The following BTN2A2 variants were observed in gnomAD, a reference collection of about 807,000 sequenced individuals.
BTN2A2 encodes butyrophilin 2.
A neutral mutation model predicts 34.7 loss-of-function variants in BTN2A2; 29 were observed. The ratio of observed to expected loss-of-function variants is 0.84; its 90% CI spans 0.62 to 1.14. The LOEUF is 1.14. Ranked by LOEUF, BTN2A2 falls within the 50% of genes most tolerant of loss-of-function variation. The pLI, the probability that BTN2A2 is intolerant of heterozygous loss-of-function variation, is 0.00. For missense variants in BTN2A2, 612 were observed against 651.5 expected (o/e 0.94, Z 0.66); for synonymous variants, 240 against 253.1 (o/e 0.95, Z 0.49).
Position 26,390,829 on chromosome 6 carries a change from G to A in BTN2A2, c.979G>A (p.Ala327Thr), listed in dbSNP as rs929626467. 6 of 1,613,986 alleles carry A rather than the reference G, an allele frequency of 3.7e-6. No homozygotes were observed. The African/African-American group carries it at 6.7e-5, about 18-fold the overall frequency. ...LRWRRTFLHA[A>T]DVVLDPDTAH... ...ATGGAGAAGAACATTCTTACATGCT[G>A]GTGAGTGCCTCTGATGTTCTCTCAG... Residue 327 changes from alanine (A) to threonine (T), a missense_variant and splice_region_variant, in exon 7 of 8, where the codon GCT (alanine) becomes ACT (threonine). Transcript: ENST00000356709.
intron 7 of BTN2A2, chr6:26,392,103 C>G: frequency 5.6e-6 from 5 of 900,396 alleles, no homozygotes; most frequent in East Asian, 2.6e-5. Flanking sequence ...AAACTGGGAA[C>G]CATTAATTTT....
chr6:26,387,171 G>A (rs1761254555), intron 3 of BTN2A2, among the ~76,000 whole-genome samples: 1 of 152,142 alleles, frequency 6.6e-6, no homozygotes, highest in South Asian at 2.1e-4. Flanking sequence ...CTGACATTGA[G>A]GAGGCAATAT....
In BTN2A2 at chr6:26,383,744, C is replaced by T; in HGVS notation, c.-30-48C>T. The stretch of plus-strand genomic sequence containing the variant: ...CAGGAGAGGTTGGGCCCGACCAGCA[C>T]TGAGGTGCCAAGACTCCTAGGCTGA... On this transcript the variant is annotated intron_variant, in intron 1 of 7. Transcript: ENST00000356709. This position sits in a 1 kb window ranked among gnomAD's most constrained non-coding sequence, Gnocchi z 4.4. The T allele has an allele frequency of 6.7e-7, 1 of 1,483,004 alleles. No homozygotes were observed. 91.9% of individuals were successfully genotyped at this position (1,483,004 alleles called of 1,614,324 possible).
chr6:26,385,304 C>T lies in BTN2A2; in HGVS notation c.384C>T (p.Arg128=). Residue 128 remains arginine (R), a synonymous_variant, in exon 3 of 8, where the codon CGC becomes CGT. Coordinates refer to ENST00000356709, the MANE Select transcript of BTN2A2 (RefSeq NM_006995.5). ...NVTAQENGIY[R]CYFQEGRSYD... is the part of the protein sequence containing the mutation. ...CAGCCCAGGAGAATGGGATCTACCG[C>T]TGTTACTTCCAAGAAGGCAGGTCCT... The T allele has an allele frequency of 6.2e-7, 1 of 1,614,172 alleles. No homozygotes were observed.
At position 26,393,013 on chromosome 6, in the gene BTN2A2, C is replaced by G; in HGVS notation, c.*46C>G. ...AGCCATGCAGATAAGCCCTGGCCAT[C>G]TCAGCAGCCACCGCACAACCCCCCT... On this transcript the variant is annotated 3_prime_UTR_variant, in exon 8 of 8. Coordinates refer to ENST00000356709, the MANE Select transcript of BTN2A2 (RefSeq NM_006995.5). 1 of 1,613,718 alleles carries G rather than the reference C, an allele frequency of 6.2e-7. No homozygotes were observed. Among genetic ancestry groups the G allele is most frequent in the South Asian group, 1.1e-5 (1 of 91,056 alleles).
chr6:26,390,946 G>A (rs925085705), intron 7 of BTN2A2, 117 bp downstream of exon 7: 3 of 1,510,686 alleles, frequency 2.0e-6, no homozygotes, highest in Admixed American at 3.4e-5. Context: ...TAGGGAACTG[G>A]GGTCAGTTCA....
In BTN2A2 at chr6:26,388,134, G is replaced by A. The variant is rs1468781909; in HGVS notation, c.564G>A (p.Glu188=). 4.3e-6 allele frequency: 7 copies of A among 1,614,190 alleles called. No homozygotes were observed. The South Asian group carries it at 5.5e-5, about 13-fold the overall frequency. Residue 188 remains glutamate (E), a synonymous_variant, in exon 4 of 8, where the codon GAG becomes GAA. Transcript: ENST00000356709. ...CAGTGTGGAGGGACCCCTACGGTGA[G>A]GTTGTGCCCGCCCTGAAGGAGGTTT... is the stretch of plus-strand genomic sequence containing the variant. ...PLTVWRDPYG[E]VVPALKEVSI...
At chr6:26,390,311 C>T (rs548472259) in intron 5 of BTN2A2, 100 bp downstream of exon 5, 6 of 1,232,234 alleles carry the variant, frequency 4.9e-6, no homozygotes, top group South Asian at 4.3e-5. Context: ...AAGGCCACAG[C>T]TCTCACAGGT....
At chr6:26,387,913 G>A in intron 3 of BTN2A2, 100 bp from the exon 4 acceptor site, 6 of 1,269,110 alleles carry the variant, frequency 4.7e-6, no homozygotes, top group Non-Finnish European at 5.5e-6. Context: ...GTTTCCTGAT[G>A]TTCTCCAAAA....
chr6:26,390,457 T>A, intron 5 of BTN2A2: 1 of 681,848 alleles, frequency 1.5e-6, no homozygotes, highest in Non-Finnish European at 2.5e-6. Flanking sequence ...CCTGGCTATA[T>A]GCAGCACTAC....
rs934256007 is a variant in BTN2A2 at position 26,383,259 on chromosome 6, A to C, written c.-31+78A>C. 2 of 153,002 alleles carry C rather than the reference A, an allele frequency of 1.3e-5. No individual in the cohort carries two copies. The highest frequency in any genetic ancestry group is 4.9e-5 in the African/African-American group (2 of 40,560). The allele number at this position is 153,002 out of a possible 1,614,324, so 9.5% of individuals were successfully genotyped here. A position where few individuals can be genotyped will look rare whatever the true frequency, so the allele number is the denominator to read the frequency against. On this transcript the variant is annotated intron_variant, in intron 1 of 7. Coordinates refer to ENST00000356709, the MANE Select transcript of BTN2A2 (RefSeq NM_006995.5). This position sits in a 1 kb window ranked among gnomAD's most constrained non-coding sequence, Gnocchi z 4.4. ...TGTGCCCATGGGTGAGTTGTATCGG[A>C]AAATCGTCATGTGAGGATCAGAGGG...
chr6:26,389,884 G>A, intron 4 of BTN2A2, 121 bp from the exon 5 acceptor site: 2 of 938,842 alleles, frequency 2.1e-6, no homozygotes, highest in African/African-American at 1.6e-5. Flanking sequence ...TCCATCTAAG[G>A]TTTCTGAGGG....
At position 26,394,428 on chromosome 6, in the gene BTN2A2, G is replaced by T. The variant is rs1761769532; in HGVS notation, c.*1461G>T. On this transcript the variant is annotated 3_prime_UTR_variant, in exon 8 of 8. Transcript: ENST00000356709. Reference sequence around the variant, plus strand: ...GGAAATTCTCTCCTTCTGTTGGCTGGGTGCCCAATACAACAAAAAGGCAGA... The same window carrying T: ...GGAAATTCTCTCCTTCTGTTGGCTGTGTGCCCAATACAACAAAAAGGCAGA... 1 of 658,476 alleles carries T rather than the reference G, an allele frequency of 1.5e-6. No homozygotes were observed. The highest frequency in any genetic ancestry group is 1.8e-5 in the African/African-American group (1 of 55,918). The allele number at this position is 658,476 out of a possible 1,614,324, so 40.8% of individuals were successfully genotyped here.
chr6:26,390,034 A>G lies in BTN2A2; in HGVS notation c.754A>G (p.Met252Val). The G allele has an allele frequency of 6.2e-6, 10 of 1,614,060 alleles. No individual in the cohort carries two copies. The highest frequency in any genetic ancestry group is 8.5e-6 in the Non-Finnish European group (10 of 1,180,000). ...CTTTATGCCCAGCGCATCTCCCTGG[A>G]TGGTGGCCCTAGCTGTCATCCTGAC... ...ESFMPSASPW[M>V]VALAVILTAS... Residue 252 changes from methionine (M) to valine (V), a missense_variant, in exon 5 of 8, where the codon ATG becomes GTG. Transcript: ENST00000356709.
rs756400790 is a variant in BTN2A2 at position 26,392,289 on chromosome 6, T to C, written c.980-86T>C. On this transcript the variant is annotated intron_variant, in intron 7 of 7. Transcript: ENST00000356709. ...CACTACATGGGGAACCCCCTTCAGCTTTCTGAGACTTCTCTGGGGACCAGG... is the reference window on the plus strand; with the variant it reads ...CACTACATGGGGAACCCCCTTCAGCCTTCTGAGACTTCTCTGGGGACCAGG... The C allele has an allele frequency of 4.4e-6, 7 of 1,603,884 alleles. No homozygotes were observed. The African/African-American group carries it at 9.4e-5, about 21-fold the overall frequency.
rs1761088337 is a variant in BTN2A2 at position 26,384,943 on chromosome 6, T to C, written c.95-72T>C. 7.3e-7 allele frequency: 1 copy of C among 1,375,812 alleles called. No individual in the cohort carries two copies. Among genetic ancestry groups the C allele is most frequent in the Non-Finnish European group, 9.5e-7 (1 of 1,048,926 alleles). 85.2% of individuals were successfully genotyped at this position (1,375,812 alleles called of 1,614,324 possible). On this transcript the variant is annotated intron_variant, in intron 2 of 7. Transcript: ENST00000356709. The surrounding 1 kb of genome is among the most constrained non-coding windows in gnomAD (Gnocchi z 4.0). ...AGTTTTTTTTGTTTGTTTGTTTTTG[T>C]TTTTTGTTTTTTGTTTTGCCTTAGA...
At position 26,393,005 on chromosome 6, in the gene BTN2A2, C is replaced by T. The variant is rs1245716602; in HGVS notation, c.*38C>T. The T allele has an allele frequency of 1.9e-6, 3 of 1,613,738 alleles. No individual in the cohort carries two copies. Among genetic ancestry groups the T allele is most frequent in the Non-Finnish European group, 2.5e-6 (3 of 1,179,900 alleles). On this transcript the variant is annotated 3_prime_UTR_variant, in exon 8 of 8. Coordinates refer to ENST00000356709, the MANE Select transcript of BTN2A2 (RefSeq NM_006995.5). ...GGACTCACAGCCATGCAGATAAGCC[C>T]TGGCCATCTCAGCAGCCACCGCACA...
In BTN2A2 at chr6:26,394,403, G is replaced by A. The variant is rs1761768811; in HGVS notation, c.*1436G>A. On this transcript the variant is annotated 3_prime_UTR_variant, in exon 8 of 8. Transcript: ENST00000356709. ...GAAGAGATTGGCAAGTGAGTCAGTGGGAAATTCTCTCCTTCTGTTGGCTGG... is the reference window on the plus strand; with the variant it reads ...GAAGAGATTGGCAAGTGAGTCAGTGAGAAATTCTCTCCTTCTGTTGGCTGG... The A allele has an allele frequency of 1.5e-6, 1 of 676,396 alleles. No individual in the cohort carries two copies. Among genetic ancestry groups the A allele is most frequent in the Non-Finnish European group, 2.7e-6 (1 of 369,872 alleles). The allele number at this position is 676,396 out of a possible 1,614,324, so 41.9% of individuals were successfully genotyped here. A position where few individuals can be genotyped will look rare whatever the true frequency, so the allele number is the denominator to read the frequency against.
In BTN2A2 at chr6:26,392,715, G is replaced by T. The variant is rs752551758; in HGVS notation, c.1320G>T (p.Lys440Asn). ...CCCCTGAGAGGATTCTCCCTTTGAA[G>T]GAGTCCCTTTGCCGGGTGGGCGTCT... ...LSSPERILPLKESLCRVGVFL... is the reference protein window; with the variant it reads ...LSSPERILPLNESLCRVGVFL... The change falls in exon 8 of 8, where the codon AAG becomes AAT. Residue 440 changes from lysine to asparagine, a missense_variant. Lys to Asn is a moderately conservative substitution (Grantham distance 94). Transcript: ENST00000356709. The T allele has an allele frequency of 6.2e-7, 1 of 1,614,198 alleles. No individual in the cohort carries two copies. The highest frequency in any genetic ancestry group is 8.5e-7 in the Non-Finnish European group (1 of 1,180,018).
Sources: allele counts gnomAD v4.1 joint callset (sites outside exome capture counted in the v4.1 genomes callset), GRCh38; gene constraint gnomAD v4.1.1; non-coding constraint Gnocchi (gnomAD v3.1); transcripts MANE v1.5; gene names NCBI Gene and HGNC (gene_info 2026-07-23, HGNC 2026-07-21).